PRELID2: variants seen among roughly 807,000 people sequenced by gnomAD.
PRELID2 encodes the protein PRELI domain-containing protein 2.
A neutral mutation model predicts 28.4 loss-of-function variants in PRELID2; 25 were observed. That is an observed-to-expected ratio of 0.88 (90% CI 0.64 to 1.23). The LOEUF (loss-of-function observed/expected upper bound fraction) is 1.23. Among genes scored for constraint, PRELID2 ranks in the 50% most tolerant of loss-of-function variants. The pLI is 0.00. For synonymous variants in PRELID2, 76 were observed against 71.6 expected (o/e 1.06, Z -0.31); for missense variants, 201 against 214.4 (o/e 0.94, Z 0.39).
chr5:145,388,206 C>T, the PRELID2 span, among the ~76,000 whole-genome samples: 5 of 152,040 alleles, frequency 3.3e-5, no homozygotes. Flanking sequence ...TTCTTTTCTA[C>T]CTTGAATTCT....
At chr5:145,425,010 C>T in the PRELID2 span, among the ~76,000 whole-genome samples, 23 of 152,054 alleles carry the variant, frequency 1.5e-4, no homozygotes, top group African/African-American at 5.3e-4. Flanking sequence ...CTTTTGCAAT[C>T]TATCCATTTA....
the PRELID2 span, among the ~76,000 whole-genome samples, chr5:145,323,533 T>G: frequency 5.0e-4 from 76 of 152,288 alleles, no homozygotes; most frequent in African/African-American, 1.7e-3. Context: ...TTGCATGTTG[T>G]GGGGGGTTTG....
intron 1 of PRELID2, among the ~76,000 whole-genome samples, chr5:145,598,715 C>T (rs1396351761): frequency 6.6e-6 from 1 of 151,976 alleles, no homozygotes; most frequent in Non-Finnish European, 1.5e-5. Context: ...GAAGTAAGCA[C>T]AGACAATCTA....
chr5:145,415,753 G>C, the PRELID2 span, among the ~76,000 whole-genome samples: 1 of 151,906 alleles, frequency 6.6e-6, no homozygotes, highest in African/African-American at 2.4e-5. Flanking sequence ...GTGTGCATGT[G>C]TCTTTATAGC....
At chr5:145,763,969 G>A (rs184246700) in intron 6 of PRELID2, among the ~76,000 whole-genome samples, 16 of 152,098 alleles carry the variant, frequency 1.1e-4, no homozygotes, top group Middle Eastern at 3.4e-3. Flanking sequence ...CCTGCCTCTC[G>A]GGAGACTGAA....
intron 1 of PRELID2, among the ~76,000 whole-genome samples, chr5:145,709,122 T>C (rs1468918151): frequency 6.6e-6 from 1 of 152,164 alleles, no homozygotes; most frequent in Admixed American, 6.5e-5. Context: ...AGACCTACAG[T>C]TGCTATTCTT....
chr5:145,357,599 T>G, the PRELID2 span, among the ~76,000 whole-genome samples: 1 of 152,202 alleles, frequency 6.6e-6, no homozygotes, highest in Admixed American at 6.5e-5. Flanking sequence ...GTCTATTCAG[T>G]TTGGTTCTTT....
chr5:145,478,884 C>A (rs1580952186), intron 1 of PRELID2, among the ~76,000 whole-genome samples: 1 of 152,142 alleles, frequency 6.6e-6, no homozygotes, highest in East Asian at 1.9e-4. Flanking sequence ...TATCAGGTTG[C>A]CTTTTAGCCA....
intron 1 of PRELID2, among the ~76,000 whole-genome samples, chr5:145,531,568 CAGG>C (rs956411326): frequency 1.3e-5 from 2 of 152,134 alleles, no homozygotes; most frequent in African/African-American, 4.8e-5. Flanking sequence ...CAGCTTAGGC[CAGG>C]AGAACAGGAA....
At chr5:145,677,985 T>C (rs1318304230) in intron 1 of PRELID2, among the ~76,000 whole-genome samples, 1 of 152,226 alleles carries the variant, frequency 6.6e-6, no homozygotes, top group Non-Finnish European at 1.5e-5. Flanking sequence ...TTTTATCTTT[T>C]CTTGAGAGTC....
the PRELID2 span, among the ~76,000 whole-genome samples, chr5:145,326,367 A>T: frequency 6.6e-6 from 1 of 152,192 alleles, no homozygotes; most frequent in Non-Finnish European, 1.5e-5. Flanking sequence ...ATAAAAAGCC[A>T]GCAGGTTTAT....
chr5:145,387,360 C>T, the PRELID2 span, among the ~76,000 whole-genome samples: 1 of 152,082 alleles, frequency 6.6e-6, no homozygotes, highest in South Asian at 2.1e-4. Context: ...GGGATGACCT[C>T]TTCCATTTAA....
rs554861253 is a variant in PRELID2, at chr5:145,700,185, T to C, written n.70+64746A>G. Among the ~76,000 whole-genome samples, 5 of 147,270 alleles carry C rather than the reference T, an allele frequency of 3.4e-5. No individual in the cohort carries two copies. In the South Asian group the frequency reaches 1.1e-3, roughly 31 times the overall value. On this transcript the variant is annotated intron_variant and non_coding_transcript_variant, in intron 1 of 2. Transcript: ENST00000510259. ...CAGAACCCAGTGGTTTTTCTGGTCATCAACAGCATCCCCCCCAACTTTCCA... is the reference window on the plus strand; with the variant it reads ...CAGAACCCAGTGGTTTTTCTGGTCACCAACAGCATCCCCCCCAACTTTCCA...
intron 1 of PRELID2, among the ~76,000 whole-genome samples, chr5:145,706,469 G>A (rs1755550249): frequency 6.6e-6 from 1 of 152,172 alleles, no homozygotes. Flanking sequence ...GTTCAAGGGA[G>A]CGCCCACTCA....
At chr5:145,237,189 C>G in the PRELID2 span, among the ~76,000 whole-genome samples, 1 of 152,152 alleles carries the variant, frequency 6.6e-6, no homozygotes, top group Non-Finnish European at 1.5e-5. Flanking sequence ...AGAGCCACAG[C>G]AGTTGACTCA....
At chr5:145,833,693 A>G (rs941546123) in intron 1 of PRELID2, among the ~76,000 whole-genome samples, 5 of 151,978 alleles carry the variant, frequency 3.3e-5, no homozygotes, top group African/African-American at 1.2e-4. Flanking sequence ...CCACCGTGTC[A>G]CCTCCTCTAA....
chr5:145,805,929 T>C (rs1230274933), intron 4 of PRELID2, among the ~76,000 whole-genome samples: 3 of 152,172 alleles, frequency 2.0e-5, no homozygotes, highest in Non-Finnish European at 2.9e-5. Flanking sequence ...GTATAAAAGA[T>C]ATATACCATG....
At chr5:145,394,362 T>A in the PRELID2 span, among the ~76,000 whole-genome samples, 1 of 140,868 alleles carries the variant, frequency 7.1e-6, no homozygotes, top group Non-Finnish European at 1.5e-5. Context: ...ATGTTCTCAC[T>A]CATAGGTGGG....
chr5:145,372,595 G>C, the PRELID2 span, among the ~76,000 whole-genome samples: 1 of 151,662 alleles, frequency 6.6e-6, no homozygotes, highest in South Asian at 2.1e-4. Flanking sequence ...CTTTACCATT[G>C]TGTAATGCCC....
Sources: allele counts gnomAD v4.1 joint callset (sites outside exome capture counted in the v4.1 genomes callset), GRCh38; gene constraint gnomAD v4.1.1; transcripts MANE v1.5; gene names NCBI Gene and HGNC (gene_info 2026-07-23, HGNC 2026-07-21).